ZNF3: variants seen among roughly 807,000 people sequenced by gnomAD.
The protein encoded by ZNF3 is C2-H2 type zinc finger protein.
Under a neutral mutation model 36.9 loss-of-function variants are expected in ZNF3, and 16 were observed. The ratio of observed to expected loss-of-function variants is 0.43; its 90% CI spans 0.29 to 0.66. ZNF3 has a LOEUF of 0.66. Ranked by LOEUF, ZNF3 falls within the 30% of genes least tolerant of loss-of-function variation. ZNF3 has a pLI of 0.13. For synonymous variants in ZNF3, 201 were observed against 201.9 expected (o/e 1.00, Z 0.04); for missense variants, 462 against 543.1 (o/e 0.85, Z 1.48).
exon 6 of ZNF3, chr7:100,064,395 T>C (rs1167627625): frequency 2.5e-6 from 4 of 1,613,894 alleles, no homozygotes; most frequent in African/African-American, 2.7e-5. Flanking sequence ...TCAGTCAGCA[T>C]GCGGGCCTCA....
In ZNF3 at chr7:100,070,572, A is replaced by G. The variant is rs1333092822; in HGVS notation, c.*571T>C. The G allele has an allele frequency of 1.0e-6, 1 of 986,522 alleles. No individual in the cohort carries two copies. The allele number at this position is 986,522 out of a possible 1,614,324, so 61.1% of individuals were successfully genotyped here. Reference sequence around the variant, plus strand: ...TGCTCCAAGAGCCCTAAAGGACACCATCATCACAGATGATGATTCTGGAAT... The same window carrying G: ...TGCTCCAAGAGCCCTAAAGGACACCGTCATCACAGATGATGATTCTGGAAT... On this transcript the variant is annotated 3_prime_UTR_variant, in exon 6 of 6. Transcript: ENST00000299667.
At chr7:100,079,050 G>A (rs1475827353) in intron 2 of ZNF3, 3 of 152,268 alleles carry the variant, frequency 2.0e-5, no homozygotes, top group Admixed American at 1.3e-4. Context: ...TTACACAGTG[G>A]AAAGCACTGA....
At chr7:100,078,704 C>CAA (rs1295161437) in intron 2 of ZNF3, 2 of 152,018 alleles carry the variant, frequency 1.3e-5, no homozygotes, top group African/African-American at 4.8e-5. Flanking sequence ...CAAAACAAAA[C>CAA]AAAACAAACC....
In ZNF3 at chr7:100,071,893, G is replaced by C. The variant is rs761713893; in HGVS notation, c.591C>G (p.Asp197Glu). Reference protein sequence around the residue: ...LISHQRLPVGDRPHKCDECSK... With the variant: ...LISHQRLPVGERPHKCDECSK... ...TACATTCATCACACTTATGGGGTCTGTCTCCCACGGGGAGTCTCTGATGTG... is the reference window on the plus strand; with the variant it reads ...TACATTCATCACACTTATGGGGTCTCTCTCCCACGGGGAGTCTCTGATGTG... The change falls in exon 6 of 6, where the codon GAC (aspartate) becomes GAG (glutamate). Residue 197 changes from aspartate (D) to glutamate (E), a missense_variant. Coordinates refer to ENST00000299667, the MANE Select transcript of ZNF3 (RefSeq NM_032924.5). The C allele has an allele frequency of 6.2e-7, 1 of 1,614,098 alleles. No individual in the cohort carries two copies. Among genetic ancestry groups the C allele is most frequent in the Non-Finnish European group, 8.5e-7 (1 of 1,180,052 alleles).
intron 5 of ZNF3, among the ~76,000 whole-genome samples, chr7:100,073,756 G>C (rs1049575142): frequency 6.6e-6 from 1 of 152,138 alleles, no homozygotes; most frequent in Non-Finnish European, 1.5e-5. Flanking sequence ...AAGCAGAGAA[G>C]GAGAGGACAG....
chr7:100,077,012 A>G, intron 3 of ZNF3: 1 of 241,722 alleles, frequency 4.1e-6, no homozygotes, highest in Non-Finnish European at 8.5e-6. Flanking sequence ...CGGAGGTTGC[A>G]GTGAGCCGAG....
At chr7:100,082,034 G>C (rs1795061966), upstream of ZNF3, among the ~76,000 whole-genome samples, 1 of 152,230 alleles carries the variant, frequency 6.6e-6, no homozygotes, top group African/African-American at 2.4e-5. Context: ...GCGGGCGGCG[G>C]GGGCGCGCGG....
At chr7:100,074,691 G>A (rs1303640392) in intron 5 of ZNF3, among the ~76,000 whole-genome samples, 2 of 152,202 alleles carry the variant, frequency 1.3e-5, no homozygotes, top group African/African-American at 4.8e-5. Context: ...GCAGACTGCT[G>A]TATAAATGAG....
chr7:100,073,544 G>A lies in ZNF3; in HGVS notation c.272-1332C>T, dbSNP rs532637051. Among the ~76,000 whole-genome samples the A allele has an allele frequency of 2.0e-3, 304 of 152,000 alleles. 1 individual carries two copies. Among genetic ancestry groups the A allele is most frequent in the African/African-American group, 7.0e-3 (292 of 41,484 alleles). On this transcript the variant is annotated intron_variant, in intron 5 of 5. Transcript: ENST00000299667. ...TTTTTGTATTTTTAGTAGAGATGGC[G>A]TTTCAACATGTTGGCCAGGCTGGTC...
chr7:100,064,936 A>G (rs557785552), intron 5 of ZNF3: 2 of 1,610,618 alleles, frequency 1.2e-6, no homozygotes, highest in Admixed American at 1.7e-5. Flanking sequence ...AAACATTAAG[A>G]TTGTTTAATT....
intron 1 of ZNF3, among the ~76,000 whole-genome samples, chr7:100,080,381 C>A (rs1409318202): frequency 1.3e-5 from 2 of 152,164 alleles, no homozygotes; most frequent in Non-Finnish European, 2.9e-5. Flanking sequence ...GTAACCCCAG[C>A]ACTTTAGGAG....
chr7:100,064,154 T>G, exon 6 of ZNF3: 1 of 1,614,074 alleles, frequency 6.2e-7, no homozygotes, highest in African/African-American at 1.3e-5. Context: ...AGCTCAAACC[T>G]CACCCTCCAC....
In ZNF3 at chr7:100,075,165, G is replaced by A; in HGVS notation, c.241C>T (p.Leu81=). The change falls in exon 5 of 6, where the codon CTG becomes TTG. Residue 81 remains leucine (L), a synonymous_variant. Coordinates refer to ENST00000299667, the MANE Select transcript of ZNF3 (RefSeq NM_032924.5). ...AQRDLYRDVM[L]ENYGNVFSLD... ...GAGAACACATTCCCGTAATTCTCCA[G>A]CATCACATCTCTATAGAGGTCCCTC... 6.2e-7 allele frequency: 1 copy of A among 1,612,290 alleles called. No homozygotes were observed.
At chr7:100,068,984 T>C (rs531249747), downstream of ZNF3, among the ~76,000 whole-genome samples, 5 of 151,234 alleles carry the variant, frequency 3.3e-5, no homozygotes, top group African/African-American at 4.9e-5. Flanking sequence ...ACCTGGCTGA[T>C]ATATATATAT....
chr7:100,077,921 G>C (rs1401171752), intron 2 of ZNF3: 1 of 152,236 alleles, frequency 6.6e-6, no homozygotes, highest in Non-Finnish European at 1.5e-5. Context: ...GTAGAGGTGG[G>C]ATTTCACCAT....
chr7:100,075,011 T>C, intron 5 of ZNF3, 124 bp downstream of exon 5: 1 of 1,221,268 alleles, frequency 8.2e-7, no homozygotes, highest in East Asian at 2.4e-5. Flanking sequence ...GAGCAAAGAT[T>C]GTGCCATTGC....
Position 100,071,977 on chromosome 7 carries a change from C to T in ZNF3, c.507G>A (p.Glu169=), listed in dbSNP as rs764957393. Residue 169 remains glutamate, a synonymous_variant, in exon 6 of 6, where the codon GAG becomes GAA. Transcript: ENST00000299667. ...TVEEKLTPRG[E]RSEKYNDFGN... Reference sequence around the variant, plus strand: ...CAAAATCATTATATTTCTCGCTTCTCTCTCCCCTGGGGGTTAGCTTCTCCT... The same window carrying T: ...CAAAATCATTATATTTCTCGCTTCTTTCTCCCCTGGGGGTTAGCTTCTCCT... 8.5e-5 allele frequency: 138 copies of T among 1,614,054 alleles called. No individual in the cohort carries two copies. The East Asian group carries it at 1.6e-3, about 18-fold the overall frequency.
chr7:100,071,372 A>G lies in ZNF3; in HGVS notation c.1112T>C (p.Met371Thr). 1 of 1,613,908 alleles carries G rather than the reference A, an allele frequency of 6.2e-7. No homozygotes were observed. Among genetic ancestry groups the G allele is most frequent in the South Asian group, 1.1e-5 (1 of 91,074 alleles). ...GTAGGTAAACTTTCCTCCACATTCCATACATTCGTAGGGCTTCTCTCCAGT... is the reference window on the plus strand; with the variant it reads ...GTAGGTAAACTTTCCTCCACATTCCGTACATTCGTAGGGCTTCTCTCCAGT... ...IHTGEKPYEC[M>T]ECGGKFTYSS... Residue 371 changes from methionine to threonine, a missense_variant, in exon 6 of 6, where the codon ATG becomes ACG. Met to Thr is a moderately conservative substitution (Grantham distance 81). Transcript: ENST00000299667.
intron 3 of ZNF3, chr7:100,076,943 C>T: frequency 5.6e-6 from 1 of 179,296 alleles, no homozygotes. Flanking sequence ...TGGTGACGGG[C>T]GCCTGCAGTC....
Sources: gnomAD v4.1 joint callset for allele counts (sites outside exome capture counted in the v4.1 genomes callset) on GRCh38, gnomAD v4.1.1 for gene constraint, MANE v1.5 for transcripts, NCBI Gene and HGNC (gene_info 2026-07-23, HGNC 2026-07-21) for gene names.